The following SEPTIN8 variants were observed in gnomAD, a reference collection of about 807,000 sequenced individuals.
SEPTIN8 encodes the protein septin-8.
Under a neutral mutation model 53.1 loss-of-function variants are expected in SEPTIN8, and 22 were observed. The ratio of observed to expected loss-of-function variants is 0.41; its 90% CI spans 0.30 to 0.59. The LOEUF is 0.59. SEPTIN8 is among the 20% of genes least tolerant of loss of function. The pLI, the probability that SEPTIN8 is intolerant of heterozygous loss-of-function variation, is 0.24. For missense variants in SEPTIN8, 536 were observed against 638.7 expected (o/e 0.84, Z 1.73); for synonymous variants, 228 against 248.4 (o/e 0.92, Z 0.77).
In SEPTIN8 at chr5:132,760,421, C is replaced by G. The variant is rs193121652; in HGVS notation, c.1286+381G>C. On this transcript the variant is annotated intron_variant, in intron 9 of 9. Coordinates refer to ENST00000378719, the MANE Select transcript of SEPTIN8 (RefSeq NM_001098811.2). The surrounding 1 kb of genome is among the most constrained non-coding windows in gnomAD (Gnocchi z 5.2). ...CCTCACCCGTGCAGCCCCACCTTCA[C>G]CACGCTGCAACAGGGCCACAGCTGC... Among the ~76,000 whole-genome samples, 1 of 152,130 alleles carries G rather than the reference C, an allele frequency of 6.6e-6. No homozygotes were observed. The highest frequency in any genetic ancestry group is 1.9e-4 in the East Asian group (1 of 5,150).
intron 9 of SEPTIN8, among the ~76,000 whole-genome samples, chr5:132,759,452 A>C (rs1755669671): frequency 6.6e-6 from 1 of 151,916 alleles, no homozygotes; most frequent in South Asian, 2.1e-4. Context: ...TCAGACCCTG[A>C]ACTGGCCACA....
Position 132,760,779 on chromosome 5 carries a change from C to T in SEPTIN8, c.1286+23G>A, listed in dbSNP as rs7722544. The T allele has an allele frequency of 5.5e-3, 8,775 of 1,603,858 alleles. 426 individuals carry two copies. The African/African-American group carries it at 0.1, about 19-fold the overall frequency. On this transcript the variant is annotated intron_variant, in intron 9 of 9. Transcript: ENST00000378719. This position sits in a 1 kb window ranked among gnomAD's most constrained non-coding sequence, Gnocchi z 5.2. The stretch of plus-strand genomic sequence containing the variant: ...AGCCCACAGGAGCAAGAGGAGCCAG[C>T]GCAGGCGCAGCCTGCCACCTACTTC...
chr5:132,756,431 A>G (rs1223585814), intron 9 of SEPTIN8: 12 of 985,312 alleles, frequency 1.2e-5, no homozygotes, highest in East Asian at 1.1e-4. Flanking sequence ...TGATAAAGAC[A>G]TGATAGTAAA....
chr5:132,764,398 G>T lies in SEPTIN8; in HGVS notation c.173C>A (p.Ser58Tyr). 1 of 1,613,842 alleles carries T rather than the reference G, an allele frequency of 6.2e-7. No individual in the cohort carries two copies. The highest frequency in any genetic ancestry group is 1.1e-5 in the South Asian group (1 of 91,032). The change falls in exon 3 of 10, where the codon TCC becomes TAC. Residue 58 changes from serine to tyrosine, a missense_variant. By Grantham distance (144) the Ser-to-Tyr change is moderately radical. This residue lies in a region of SEPTIN8 where 395 missense variants were observed against 451.8 expected (regional missense o/e 0.87). Coordinates refer to ENST00000378719, the MANE Select transcript of SEPTIN8 (RefSeq NM_001098811.2). ...LCVGETGIGK[S>Y]TLMNTLFNTT... ...GTTGAAGAGTGTGTTCATCAGTGTG[G>T]ATTTGCCAATGCCGGTCTCCCCTGG...
chr5:132,756,142 A>C, intron 9 of SEPTIN8: 1 of 985,484 alleles, frequency 1.0e-6, no homozygotes, highest in Non-Finnish European at 1.2e-6. Context: ...ACAGACTAGC[A>C]AGCCACACTT....
Position 132,760,953 on chromosome 5 carries a change from C to G in SEPTIN8, c.1135G>C (p.Glu379Gln), listed in dbSNP as rs759307286. ...KFEHLKRVHQ[E>Q]EKRKVEEKRR... ...TTTTCCTCCACCTTGCGCTTCTCCT[C>G]CTGGTGGACCCGCTTCAGGTGCTCA... Residue 379 changes from glutamate to glutamine, a missense_variant, in exon 9 of 10, where the codon GAG becomes CAG. By Grantham distance (29) the Glu-to-Gln change is conservative. Around this residue, in one of 3 missense-constraint regions of SEPTIN8, gnomAD observed 133 missense variants for 157.4 expected, o/e 0.84. Transcript: ENST00000378719. This position sits in a 1 kb window ranked among gnomAD's most constrained non-coding sequence, Gnocchi z 5.2. The G allele has an allele frequency of 6.3e-7, 1 of 1,592,286 alleles. No homozygotes were observed. Among genetic ancestry groups the G allele is most frequent in the Non-Finnish European group, 8.5e-7 (1 of 1,170,578 alleles).
chr5:132,752,334 A>G, intron 9 of SEPTIN8, 153 bp from the exon 10 acceptor site: 1 of 1,042,440 alleles, frequency 9.6e-7, no homozygotes, highest in East Asian at 2.6e-5. Flanking sequence ...AGTCTGCCCA[A>G]AGGCTAGGCT....
At chr5:132,763,669 C>T (rs1756237371) in intron 4 of SEPTIN8, 37 bp downstream of exon 4, 2 of 1,589,692 alleles carry the variant, frequency 1.3e-6, no homozygotes, top group African/African-American at 2.7e-5. Context: ...CAGCAGAAGA[C>T]TATGGAGCCT....
chr5:132,766,605 C>T (rs1291316779), intron 1 of SEPTIN8, among the ~76,000 whole-genome samples: 1 of 152,184 alleles, frequency 6.6e-6, no homozygotes, highest in Non-Finnish European at 1.5e-5. Flanking sequence ...ATTCCTGAGC[C>T]CCACTGCCCT....
In SEPTIN8 at chr5:132,765,534, C is replaced by T; in HGVS notation, c.31-5G>A. Reference sequence around the variant, plus strand: ...CCGGGGCTCTGGCTCTGCATTCTGCCAAGAGAGAAATAAAGCAAGACATGA... The same window carrying T: ...CCGGGGCTCTGGCTCTGCATTCTGCTAAGAGAGAAATAAAGCAAGACATGA... On this transcript the variant is annotated splice_polypyrimidine_tract_variant and splice_region_variant and intron_variant, in intron 1 of 9. Coordinates refer to ENST00000378719, the MANE Select transcript of SEPTIN8 (RefSeq NM_001098811.2). 6.3e-7 allele frequency: 1 copy of T among 1,584,320 alleles called. No individual in the cohort carries two copies. The highest frequency in any genetic ancestry group is 8.6e-7 in the Non-Finnish European group (1 of 1,168,470).
intron 9 of SEPTIN8, chr5:132,756,186 A>C (rs766671160): frequency 8.3e-5 from 82 of 985,330 alleles, no homozygotes; most frequent in Non-Finnish European, 9.6e-5. Flanking sequence ...CCCACTTAAC[A>C]GGGAGCCCAC....
At chr5:132,769,789 A>G (rs1470359658) in intron 1 of SEPTIN8, among the ~76,000 whole-genome samples, 1 of 151,428 alleles carries the variant, frequency 6.6e-6, no homozygotes, top group South Asian at 2.1e-4. Context: ...TGGATGAAAG[A>G]CAGCCACTAA....
Position 132,761,602 on chromosome 5 carries a change from A to T in SEPTIN8, c.818T>A (p.Phe273Tyr). The part of the protein sequence containing the change: ...VQVENENHCD[F>Y]VKLREMLIRV... ...GATCAACATCTCCCGCAGCTTCACG[A>T]AGTCGCAGTGATTCTCATTCTCCAC... Residue 273 changes from phenylalanine to tyrosine, a missense_variant, in exon 7 of 10, where the codon TTC becomes TAC. Phe to Tyr is a conservative substitution (Grantham distance 22, BLOSUM62 3). Coordinates refer to ENST00000378719, the MANE Select transcript of SEPTIN8 (RefSeq NM_001098811.2). This position sits in a 1 kb window ranked among gnomAD's most constrained non-coding sequence, Gnocchi z 5.8. 6.2e-7 allele frequency: 1 copy of T among 1,614,006 alleles called. No homozygotes were observed. The highest frequency in any genetic ancestry group is 8.5e-7 in the Non-Finnish European group (1 of 1,179,986).
In SEPTIN8 at chr5:132,762,566, C is replaced by G. The variant is rs1026548744; in HGVS notation, c.614G>C (p.Gly205Ala). Residue 205 changes from glycine to alanine, a missense_variant, in exon 5 of 10, where the codon GGC becomes GCC. Coordinates refer to ENST00000378719, the MANE Select transcript of SEPTIN8 (RefSeq NM_001098811.2). ...CTGGACCCCGTTGCTGACCAACTCGCCCATGATCTTGATCTTGAACTTGTG... is the reference window on the plus strand; with the variant it reads ...CTGGACCCCGTTGCTGACCAACTCGGCCATGATCTTGATCTTGAACTTGTG... The part of the protein sequence containing the change: ...ELHKFKIKIM[G>A]ELVSNGVQIY... 1 of 1,614,154 alleles carries G rather than the reference C, an allele frequency of 6.2e-7. No homozygotes were observed. The highest frequency in any genetic ancestry group is 1.3e-5 in the African/African-American group (1 of 75,052).
At chr5:132,774,414 C>T (rs2150006578) in intron 1 of SEPTIN8, among the ~76,000 whole-genome samples, 1 of 152,294 alleles carries the variant, frequency 6.6e-6, no homozygotes, top group African/African-American at 2.4e-5. Flanking sequence ...GGGCTGAGCC[C>T]CAGAGTCAAG....
rs1352717782 is a variant in SEPTIN8, at chr5:132,760,840, G to A, written c.1248C>T (p.Thr416=). Residue 416 remains threonine, a synonymous_variant, in exon 9 of 10, where the codon ACC becomes ACT. Transcript: ENST00000378719. The surrounding 1 kb of genome is among the most constrained non-coding windows in gnomAD (Gnocchi z 5.2). The part of the protein sequence containing the change: ...EALQSQALHA[T]SQQPLRKDKD... Reference sequence around the variant, plus strand: ...TGTCCTTCCTCAGGGGCTGCTGCGAGGTGGCGTGCAAGGCCTGCGACTGCA... The same window carrying A: ...TGTCCTTCCTCAGGGGCTGCTGCGAAGTGGCGTGCAAGGCCTGCGACTGCA... 3 of 1,613,950 alleles carry A rather than the reference G, an allele frequency of 1.9e-6. No homozygotes were observed. The highest frequency in any genetic ancestry group is 3.3e-5 in the Admixed American group (2 of 60,014).
At chr5:132,777,756 A>G, upstream of SEPTIN8, 1 of 985,340 alleles carries the variant, frequency 1.0e-6, no homozygotes, top group Non-Finnish European at 1.2e-6. This position sits in a 1 kb window ranked among gnomAD's most constrained non-coding sequence, Gnocchi z 4.1. Flanking sequence ...CTTGGGCCCC[A>G]CCTGATGCTC....
chr5:132,760,172 C>T lies in SEPTIN8; in HGVS notation c.1286+630G>A, dbSNP rs959220827. ...TCCAGGAGGCCAGTGTTGGCTGGCGCGAGTGCCCGCAGTTCTCCATCACCA... is the reference window on the plus strand; with the variant it reads ...TCCAGGAGGCCAGTGTTGGCTGGCGTGAGTGCCCGCAGTTCTCCATCACCA... On this transcript the variant is annotated intron_variant, in intron 9 of 9. Transcript: ENST00000378719. This position sits in a 1 kb window ranked among gnomAD's most constrained non-coding sequence, Gnocchi z 5.2. Among the ~76,000 whole-genome samples the T allele has an allele frequency of 1.3e-5, 2 of 152,044 alleles. No homozygotes were observed. The highest frequency in any genetic ancestry group is 2.9e-5 in the Non-Finnish European group (2 of 68,020).
intron 9 of SEPTIN8, chr5:132,754,407 C>T (rs561145065): frequency 2.8e-6 from 2 of 717,398 alleles, no homozygotes; most frequent in Admixed American, 4.0e-5. Context: ...ATCCTGAGGG[C>T]CCATACCAGT....
Sources: gnomAD v4.1 joint callset for allele counts (sites outside exome capture counted in the v4.1 genomes callset) on GRCh38, gnomAD v4.1.1 for gene constraint, gnomAD v4.1.1 regional missense constraint, Gnocchi (gnomAD v3.1) non-coding constraint, MANE v1.5 for transcripts, NCBI Gene and HGNC (gene_info 2026-07-23, HGNC 2026-07-21) for gene names.